ZZEF1: variants seen among roughly 807,000 people sequenced by gnomAD.
The protein encoded by ZZEF1 is zinc finger ZZ-type and EF-hand domain-containing protein 1.
In ZZEF1, 157 loss-of-function variants were observed where a neutral mutation model predicts 342.8. The observed-to-expected ratio is 0.46, with a 90% confidence interval of 0.40 to 0.52. The LOEUF (loss-of-function observed/expected upper bound fraction) is 0.52, where lower values mean the gene tolerates loss of function less well. ZZEF1 is among the 20% of genes least tolerant of loss of function. The pLI, the probability that ZZEF1 is intolerant of heterozygous loss-of-function variation, is 0.00. For missense variants in ZZEF1, 3,480 were observed against 3,725.6 expected (o/e 0.93, Z 1.72); for synonymous variants, 1,505 against 1,429.1 (o/e 1.05, Z -1.20).
At chr17:4,024,814 G>C in intron 43 of ZZEF1, 105 bp downstream of exon 43, 1 of 1,117,604 alleles carries the variant, frequency 8.9e-7, no homozygotes. Context: ...AAGATCCTAT[G>C]GTTTACCATC....
chr17:4,026,555 CTT>C (rs1271231627), intron 42 of ZZEF1, among the ~76,000 whole-genome samples: 1 of 140,560 alleles, frequency 7.1e-6, no homozygotes, highest in African/African-American at 2.6e-5. Context: ...AGTTTTTGCT[CTT>C]GTCACCCAGG....
chr17:4,062,300 G>C (rs910765746), intron 30 of ZZEF1, among the ~76,000 whole-genome samples: 13 of 151,160 alleles, frequency 8.6e-5, no homozygotes, highest in Admixed American at 7.3e-4. Context: ...GTTTTTTACT[G>C]TCTCTCTCTC....
intron 1 of ZZEF1, among the ~76,000 whole-genome samples, chr17:4,134,104 GA>G (rs1321828303): frequency 6.6e-6 from 1 of 151,808 alleles, no homozygotes; most frequent in Non-Finnish European, 1.5e-5. Context: ...TTTTGGCTAA[GA>G]AAAAAATTAC....
chr17:4,085,840 T>A, intron 15 of ZZEF1, 37 bp from the exon 16 acceptor site: 3 of 1,610,114 alleles, frequency 1.9e-6, no homozygotes, highest in Non-Finnish European at 2.5e-6. Context: ...TTTCATATAT[T>A]CCATCTATTC....
intron 34 of ZZEF1, 117 bp downstream of exon 34, chr17:4,053,940 A>C: frequency 8.3e-7 from 1 of 1,199,042 alleles, no homozygotes; most frequent in Non-Finnish European, 1.1e-6. Flanking sequence ...AGTCAGAGAA[A>C]ATACCACTGG....
At chr17:4,100,760 G>A (rs1324124545) in intron 9 of ZZEF1, among the ~76,000 whole-genome samples, 3 of 152,148 alleles carry the variant, frequency 2.0e-5, no homozygotes, top group Non-Finnish European at 4.4e-5. Context: ...GCTTGAACCC[G>A]GGAGGAGGAG....
In ZZEF1 at chr17:4,032,810, G is replaced by A. The variant is rs1193395265; in HGVS notation, c.6759+18C>T. 1 of 1,612,454 alleles carries A rather than the reference G, an allele frequency of 6.2e-7. No homozygotes were observed. The highest frequency in any genetic ancestry group is 8.5e-7 in the Non-Finnish European group (1 of 1,178,720). On this transcript the variant is annotated intron_variant, in intron 41 of 54. Coordinates refer to ENST00000381638, the MANE Select transcript of ZZEF1 (RefSeq NM_015113.4). ...CTGGAAGGGGTGACCAGGCCCTCAG[G>A]CCTTCAGAGTGTGGTACCTGGGGGA...
chr17:4,096,550 C>T, intron 10 of ZZEF1, 59 bp downstream of exon 10: 2 of 1,393,086 alleles, frequency 1.4e-6, no homozygotes, highest in Admixed American at 3.4e-5. Flanking sequence ...TACTATGTAC[C>T]CATAAAAATT....
At chr17:4,045,877 G>A (rs948250217) in intron 37 of ZZEF1, among the ~76,000 whole-genome samples, 9 of 150,912 alleles carry the variant, frequency 6.0e-5, no homozygotes, top group African/African-American at 9.8e-5. Flanking sequence ...ACCCAGGCTG[G>A]AGTGCAGGGG....
chr17:4,008,792 A>G lies in ZZEF1; in HGVS notation c.8805+91T>C. On this transcript the variant is annotated intron_variant, in intron 54 of 54. Coordinates refer to ENST00000381638, the MANE Select transcript of ZZEF1 (RefSeq NM_015113.4). The surrounding 1 kb of genome is among the most constrained non-coding windows in gnomAD (Gnocchi z 4.2). The stretch of plus-strand genomic sequence containing the variant: ...GCTCCGGGTGGATTCTGTCCTACTC[A>G]GACGCAATGTACAGACCTTCTCTGC... The G allele has an allele frequency of 6.6e-7, 1 of 1,506,506 alleles. No individual in the cohort carries two copies. Among genetic ancestry groups the G allele is most frequent in the Non-Finnish European group, 8.9e-7 (1 of 1,125,430 alleles). The allele number at this position is 1,506,506 out of a possible 1,614,324, so 93.3% of individuals were successfully genotyped here.
intron 38 of ZZEF1, among the ~76,000 whole-genome samples, chr17:4,043,912 T>A (rs899524012): frequency 1.3e-5 from 2 of 152,238 alleles, no homozygotes; most frequent in African/African-American, 4.8e-5. Context: ...CCTCCTAGAC[T>A]GTGAGCTCCA....
At chr17:4,080,996 G>T (rs2057713225) in intron 18 of ZZEF1, among the ~76,000 whole-genome samples, 1 of 152,092 alleles carries the variant, frequency 6.6e-6, no homozygotes, top group Non-Finnish European at 1.5e-5. Flanking sequence ...CAACACTTTG[G>T]GAGGCCAAAG....
At chr17:4,062,158 C>T (rs1159013688) in intron 30 of ZZEF1, among the ~76,000 whole-genome samples, 1 of 152,088 alleles carries the variant, frequency 6.6e-6, no homozygotes, top group East Asian at 1.9e-4. Context: ...AGGCTCTTCT[C>T]TCTGATCTTA....
chr17:4,070,269 T>C (rs1314516894), intron 26 of ZZEF1, among the ~76,000 whole-genome samples: 1 of 152,244 alleles, frequency 6.6e-6, no homozygotes, highest in Non-Finnish European at 1.5e-5. Flanking sequence ...TGGAATTTCT[T>C]AGAATGTTAG....
intron 54 of ZZEF1, among the ~76,000 whole-genome samples, chr17:4,007,289 A>G (rs2055824263): frequency 6.6e-6 from 1 of 152,244 alleles, no homozygotes; most frequent in Non-Finnish European, 1.5e-5. Flanking sequence ...AGGGCAAGGC[A>G]CTCACAGGAA....
intron 2 of ZZEF1, among the ~76,000 whole-genome samples, chr17:4,118,853 C>G (rs1316470957): frequency 3.9e-5 from 6 of 152,224 alleles, no homozygotes; most frequent in Non-Finnish European, 8.8e-5. Context: ...CACCCCCTGG[C>G]ACACAAACGT....
In ZZEF1 at chr17:4,137,698, C is replaced by A. The variant is rs554972620; in HGVS notation, c.354+4844G>T. On this transcript the variant is annotated intron_variant, in intron 1 of 54. Transcript: ENST00000381638. The stretch of plus-strand genomic sequence containing the variant: ...CAGCCAGCCATCCCTTACCAAAGAC[C>A]TCCTGTGTACAATGGTAGTGCAGGC... Among the ~76,000 whole-genome samples the A allele has an allele frequency of 7.2e-5, 11 of 152,348 alleles. No homozygotes were observed. In the South Asian group the frequency reaches 1.9e-3, roughly 26 times the overall value.
intron 2 of ZZEF1, among the ~76,000 whole-genome samples, chr17:4,117,856 T>C (rs80048946): frequency 0.074 from 11,326 of 152,156 alleles, 518 homozygotes; most frequent in South Asian, 0.13. Context: ...ACTGCTTTTA[T>C]ACTAAGATAC....
chr17:4,110,579 G>A (rs986773336), intron 5 of ZZEF1, among the ~76,000 whole-genome samples: 14 of 151,764 alleles, frequency 9.2e-5, no homozygotes, highest in Admixed American at 7.2e-4. Flanking sequence ...CTCCCTGAAC[G>A]AAATAAGCCC....
Sources: allele counts gnomAD v4.1 joint callset (sites outside exome capture counted in the v4.1 genomes callset), GRCh38; gene constraint gnomAD v4.1.1; non-coding constraint Gnocchi (gnomAD v3.1); transcripts MANE v1.5; gene names NCBI Gene and HGNC (gene_info 2026-07-23, HGNC 2026-07-21).